The following TMPRSS15 variants were observed in gnomAD, a reference collection of about 807,000 sequenced individuals.
The protein encoded by TMPRSS15 is transmembrane serine protease 15, also known as enteropeptidase.
TMPRSS15 carries 128 observed loss-of-function variants against 125.3 expected under a neutral mutation model. That is an observed-to-expected ratio of 1.02 (90% CI 0.89 to 1.18). The LOEUF (loss-of-function observed/expected upper bound fraction) is 1.18. Ranked by LOEUF, TMPRSS15 falls within the 50% of genes most tolerant of loss-of-function variation. The pLI is 0.00. For synonymous variants in TMPRSS15, 446 were observed against 423.2 expected (o/e 1.05, Z -0.66); for missense variants, 1,283 against 1,212.7 (o/e 1.06, Z -0.86).
intron 1 of TMPRSS15, among the ~76,000 whole-genome samples, chr21:18,442,820 T>C (rs1360265883): frequency 1.3e-5 from 2 of 152,214 alleles, no homozygotes; most frequent in African/African-American, 4.8e-5. Context: ...TCTGAAAGAA[T>C]AAAATCAGTT....
chr21:18,272,761 G>C (rs1304035210), intron 24 of TMPRSS15, among the ~76,000 whole-genome samples: 1 of 151,830 alleles, frequency 6.6e-6, no homozygotes, highest in Non-Finnish European at 1.5e-5. Flanking sequence ...AAATACATAC[G>C]TAAATAAATA....
chr21:18,420,831 G>A (rs951364667), intron 1 of TMPRSS15, among the ~76,000 whole-genome samples: 1 of 152,132 alleles, frequency 6.6e-6, no homozygotes, highest in African/African-American at 2.4e-5. Flanking sequence ...ATGGTTTTCT[G>A]CTATGTAGGC....
chr21:18,481,063 T>TA (rs2123291586), intron 1 of TMPRSS15, among the ~76,000 whole-genome samples: 1 of 151,962 alleles, frequency 6.6e-6, no homozygotes, highest in Non-Finnish European at 1.5e-5. Flanking sequence ...TAATGCCTGA[T>TA]ACAATGAAAT....
At chr21:18,431,883 A>G (rs2076217030) in intron 1 of TMPRSS15, among the ~76,000 whole-genome samples, 1 of 152,192 alleles carries the variant, frequency 6.6e-6, no homozygotes, top group Non-Finnish European at 1.5e-5. Context: ...TAATTCTTCT[A>G]TGCTACTTCC....
At chr21:18,411,977 C>T (rs1263469861) in intron 1 of TMPRSS15, among the ~76,000 whole-genome samples, 2 of 152,098 alleles carry the variant, frequency 1.3e-5, no homozygotes, top group Admixed American at 6.6e-5. Context: ...GGTTACCACA[C>T]TTTTTACAGC....
intron 10 of TMPRSS15, among the ~76,000 whole-genome samples, chr21:18,352,164 G>A (rs993452779): frequency 6.6e-6 from 1 of 151,892 alleles, no homozygotes; most frequent in African/African-American, 2.4e-5. Flanking sequence ...TGTGTTCCAA[G>A]ACTTTCATGA....
intron 1 of TMPRSS15, among the ~76,000 whole-genome samples, chr21:18,463,161 T>C (rs1322607669): frequency 6.9e-6 from 1 of 145,650 alleles, no homozygotes; most frequent in Admixed American, 7.2e-5. Context: ...CGGGGTGCTG[T>C]ATTCAGGAGA....
intron 2 of TMPRSS15, 115 bp downstream of exon 2, chr21:18,398,084 G>C: frequency 7.5e-7 from 1 of 1,330,868 alleles, no homozygotes; most frequent in Non-Finnish European, 1.1e-6. Context: ...TCATACATTT[G>C]AGTATCTTGG....
At chr21:18,282,022 C>T (rs537002918) in intron 21 of TMPRSS15, among the ~76,000 whole-genome samples, 3 of 134,570 alleles carry the variant, frequency 2.2e-5, no homozygotes, top group African/African-American at 8.4e-5. Context: ...GGCGTGAACC[C>T]GGGGGGCGGA....
At chr21:18,425,284 A>T (rs2824821) in intron 1 of TMPRSS15, among the ~76,000 whole-genome samples, 3 of 152,024 alleles carry the variant, frequency 2.0e-5, no homozygotes, top group Admixed American at 2.0e-4. Context: ...GACTACTATA[A>T]GGACTCCACA....
chr21:18,301,451 C>T (rs2074972265), intron 18 of TMPRSS15, among the ~76,000 whole-genome samples: 1 of 152,144 alleles, frequency 6.6e-6, no homozygotes, highest in South Asian at 2.1e-4. Flanking sequence ...TCACCATTTA[C>T]TTTTGAAAGA....
At chr21:18,456,864 G>A (rs1258408353) in intron 1 of TMPRSS15, among the ~76,000 whole-genome samples, 1 of 151,950 alleles carries the variant, frequency 6.6e-6, no homozygotes, top group Non-Finnish European at 1.5e-5. Context: ...TCAAATGACA[G>A]GTAACTTTCT....
chr21:18,365,396 A>G, intron 6 of TMPRSS15, 148 bp from the exon 7 acceptor site: 2 of 736,754 alleles, frequency 2.7e-6, no homozygotes, highest in Non-Finnish European at 4.8e-6. Flanking sequence ...TTTGAAACCT[A>G]TTAGCCATGT....
At chr21:18,448,852 A>G (rs2076261221) in intron 1 of TMPRSS15, among the ~76,000 whole-genome samples, 1 of 152,204 alleles carries the variant, frequency 6.6e-6, no homozygotes, top group Non-Finnish European at 1.5e-5. Flanking sequence ...CAAATATAAT[A>G]CTTCAGTAAA....
rs774272961 is a variant in TMPRSS15 at position 18,383,649 on chromosome 21, A to G, written c.474T>C (p.Asp158=). 5 of 1,613,944 alleles carry G rather than the reference A, an allele frequency of 3.1e-6. No individual in the cohort carries two copies. The highest frequency in any genetic ancestry group is 3.4e-6 in the Non-Finnish European group (4 of 1,179,940). Residue 158 remains aspartate, a synonymous_variant, in exon 4 of 25, where the codon GAT becomes GAC. Transcript: ENST00000284885. ...KSSQLVTFHI[D]LNSVDILDKL... is the part of the protein sequence containing the mutation. ...TACCTAGGATATCAACGCTGTTCAAATCAATATGGAAAGTGACCAGTTGGC... is the reference window on the plus strand; with the variant it reads ...TACCTAGGATATCAACGCTGTTCAAGTCAATATGGAAAGTGACCAGTTGGC...
rs1276453860 is a variant in TMPRSS15, at chr21:18,348,173, A to AC, written c.1172-4114_1172-4113insG. 2.4e-3 allele frequency among the ~76,000 whole-genome samples: 358 copies of AC among 152,234 alleles called. 1 individual carries two copies. Among genetic ancestry groups the AC allele is most frequent in the African/African-American group, 7.9e-3 (329 of 41,500 alleles). The stretch of plus-strand genomic sequence containing the variant: ...GTACTCCAGTCTGGGAGACAGAGTG[A>AC]TCCTGTCTCTAAACAAATAAATAAG... On this transcript the variant is annotated intron_variant, in intron 10 of 24. Transcript: ENST00000284885.
At chr21:18,382,466 G>C (rs2038353708) in intron 4 of TMPRSS15, among the ~76,000 whole-genome samples, 1 of 152,090 alleles carries the variant, frequency 6.6e-6, no homozygotes, top group Non-Finnish European at 1.5e-5. Flanking sequence ...AACTATGCTT[G>C]ATGAAACAAT....
At chr21:18,373,196 C>T (rs924902098) in intron 5 of TMPRSS15, among the ~76,000 whole-genome samples, 3 of 151,994 alleles carry the variant, frequency 2.0e-5, no homozygotes, top group African/African-American at 4.8e-5. Context: ...TCTCCTTCTG[C>T]TCTATAAAAT....
chr21:18,424,402 AAC>A (rs1379457569), intron 1 of TMPRSS15, among the ~76,000 whole-genome samples: 1 of 152,198 alleles, frequency 6.6e-6, no homozygotes, highest in Non-Finnish European at 1.5e-5. Context: ...TCCTTTTTGC[AAC>A]ACTCTTGTTT....
Sources: allele counts gnomAD v4.1 joint callset (sites outside exome capture counted in the v4.1 genomes callset), GRCh38; gene constraint gnomAD v4.1.1; transcripts MANE v1.5; gene names NCBI Gene and HGNC (gene_info 2026-07-23, HGNC 2026-07-21).